Variants in MYO10 observed in about 807,000 individuals in gnomAD.
MYO10 encodes unconventional myosin-X.
A neutral mutation model predicts 257.3 loss-of-function variants in MYO10; 133 were observed. That is an observed-to-expected ratio of 0.52 (90% CI 0.45 to 0.60). The LOEUF is 0.60. MYO10 is among the 20% of genes least tolerant of loss of function. The pLI, the probability that MYO10 is intolerant of heterozygous loss-of-function variation, is 0.00. For missense variants in MYO10, 2,399 were observed against 2,635.7 expected (o/e 0.91, Z 1.97); for synonymous variants, 1,104 against 1,028.6 (o/e 1.07, Z -1.40).
chr5:16,728,150 C>A (rs1228113683), intron 19 of MYO10, among the ~76,000 whole-genome samples: 1 of 152,194 alleles, frequency 6.6e-6, no homozygotes, highest in Admixed American at 6.5e-5. Context: ...CTGGTTTCTG[C>A]CTCCTGGCTT....
intron 3 of MYO10, among the ~76,000 whole-genome samples, chr5:16,797,859 G>C (rs1222102143): frequency 6.6e-6 from 1 of 152,216 alleles, no homozygotes; most frequent in Admixed American, 6.5e-5. Context: ...GATACAGGTT[G>C]TATGGTTTGA....
chr5:16,711,355 T>C, intron 19 of MYO10, 110 bp from the exon 20 acceptor site: 7 of 1,117,228 alleles, frequency 6.3e-6, no homozygotes, highest in Non-Finnish European at 7.7e-6. Context: ...TCAAAACACA[T>C]ACGAGAATCT....
intron 2 of MYO10, among the ~76,000 whole-genome samples, chr5:16,827,255 T>C (rs1743027539): frequency 6.6e-6 from 1 of 152,188 alleles, no homozygotes; most frequent in Non-Finnish European, 1.5e-5. Context: ...GATTTGGCAC[T>C]CTAGTTACTA....
rs192676751 is a variant in MYO10 at position 16,720,093 on chromosome 5, T to C, written c.1930-8848A>G. On this transcript the variant is annotated intron_variant, in intron 19 of 40. Transcript: ENST00000513610. The stretch of plus-strand genomic sequence containing the variant: ...CACAAATAACTAATGGTGTGGGATG[T>C]CCAAGAGCAAACCCAGTCCCTGCTC... Among the ~76,000 whole-genome samples the C allele has an allele frequency of 2.7e-3, 407 of 151,878 alleles. 2 individuals carry two copies. Among genetic ancestry groups the C allele is most frequent in the African/African-American group, 9.3e-3 (386 of 41,438 alleles).
intron 19 of MYO10, among the ~76,000 whole-genome samples, chr5:16,733,447 G>C (rs927976869): frequency 6.6e-6 from 1 of 151,240 alleles, no homozygotes; most frequent in Non-Finnish European, 1.5e-5. Context: ...GATACCAGAA[G>C]AAAAAAAAAG....
At chr5:16,744,641 G>A (rs1453340692) in intron 19 of MYO10, among the ~76,000 whole-genome samples, 1 of 151,976 alleles carries the variant, frequency 6.6e-6, no homozygotes, top group African/African-American at 2.4e-5. Context: ...AAGCAGGCTT[G>A]CAGAGGGAGC....
chr5:16,770,952 G>T (rs1287341406), intron 9 of MYO10, among the ~76,000 whole-genome samples: 1 of 152,122 alleles, frequency 6.6e-6, no homozygotes, highest in East Asian at 1.9e-4. Context: ...ATTTTCAGTA[G>T]ATACGAGGTT....
chr5:16,894,318 C>T (rs1745160627), intron 1 of MYO10, among the ~76,000 whole-genome samples: 1 of 152,144 alleles, frequency 6.6e-6, no homozygotes, highest in Non-Finnish European at 1.5e-5. Flanking sequence ...GTGAAACATC[C>T]CTCCTCTGTG....
chr5:16,834,389 G>T (rs546629301), intron 2 of MYO10, among the ~76,000 whole-genome samples: 3 of 152,142 alleles, frequency 2.0e-5, no homozygotes, highest in African/African-American at 7.2e-5. Flanking sequence ...GGGAAGGAGG[G>T]CAAGAGCAAA....
intron 2 of MYO10, among the ~76,000 whole-genome samples, chr5:16,841,688 C>T (rs919579121): frequency 1.3e-5 from 2 of 152,178 alleles, no homozygotes; most frequent in Non-Finnish European, 2.9e-5. Context: ...CTAATTCAGG[C>T]TCTCCTTCAA....
chr5:16,670,880 A>C lies in MYO10; in HGVS notation c.5529T>G (p.Thr1843=). Residue 1843 remains threonine (T), a synonymous_variant, in exon 39 of 41, where the codon ACT becomes ACG. Coordinates refer to ENST00000513610, the MANE Select transcript of MYO10 (RefSeq NM_012334.3). ...LRLQYLQGDY[T]LHAAIPPLEE... ...CGAGAGGTGGGATGGCAGCGTGCAGAGTATAATCCCCCTGCAGATACTGGA... is the reference window on the plus strand; with the variant it reads ...CGAGAGGTGGGATGGCAGCGTGCAGCGTATAATCCCCCTGCAGATACTGGA... 1 of 1,613,906 alleles carries C rather than the reference A, an allele frequency of 6.2e-7. No homozygotes were observed. Among genetic ancestry groups the C allele is most frequent in the Non-Finnish European group, 8.5e-7 (1 of 1,179,854 alleles).
intron 32 of MYO10, among the ~76,000 whole-genome samples, chr5:16,680,473 ATTTC>A (rs1436244177): frequency 6.6e-6 from 1 of 151,998 alleles, no homozygotes; most frequent in Admixed American, 6.6e-5. Context: ...CTTACTTCCT[ATTTC>A]TTCCTTTCCT....
intron 19 of MYO10, among the ~76,000 whole-genome samples, chr5:16,720,579 G>A (rs1035865787): frequency 3.3e-5 from 5 of 151,992 alleles, no homozygotes; most frequent in African/African-American, 9.7e-5. Context: ...TCAGCCTCCC[G>A]GGTAGCTGGG....
chr5:16,725,786 CCTTT>C (rs1329946353), intron 19 of MYO10, among the ~76,000 whole-genome samples: 1 of 112,586 alleles, frequency 8.9e-6, no homozygotes, highest in Non-Finnish European at 1.8e-5. Flanking sequence ...ACAGGTACCC[CCTTT>C]TTTTTTTTTT....
chr5:16,909,665 T>C (rs1304780084), intron 1 of MYO10, among the ~76,000 whole-genome samples: 2 of 152,016 alleles, frequency 1.3e-5, no homozygotes, highest in African/African-American at 4.8e-5. Context: ...AAGATGAGAT[T>C]TGGGTTGGGA....
At chr5:16,899,496 G>A (rs1191854558) in intron 1 of MYO10, among the ~76,000 whole-genome samples, 1 of 151,840 alleles carries the variant, frequency 6.6e-6, no homozygotes, top group Non-Finnish European at 1.5e-5. Flanking sequence ...AATTAGCAGA[G>A]CGTTGTGGCG....
intron 18 of MYO10, among the ~76,000 whole-genome samples, chr5:16,756,844 T>A (rs2126644975): frequency 6.6e-6 from 1 of 152,210 alleles, no homozygotes; most frequent in Non-Finnish European, 1.5e-5. Flanking sequence ...CTCACGTCTG[T>A]AATTCCAGCA....
At chr5:16,716,281 T>A (rs1436991454) in intron 19 of MYO10, among the ~76,000 whole-genome samples, 1 of 151,916 alleles carries the variant, frequency 6.6e-6, no homozygotes, top group Non-Finnish European at 1.5e-5. Context: ...TAATGATTAA[T>A]AACAGGGCAC....
Position 16,682,796 on chromosome 5 carries a change from T to TA in MYO10, c.4047-784dup, listed in dbSNP as rs200867398. Reference sequence around the variant, plus strand: ...CTAAACTTGAGGTGCCCCTTAAAAATAAAAAATAAAAAAAGCCTTTTTCTA... The same window carrying TA: ...CTAAACTTGAGGTGCCCCTTAAAAATAAAAAAATAAAAAAAGCCTTTTTCTA... On this transcript the variant is annotated intron_variant, in intron 30 of 40. Transcript: ENST00000513610. Among the ~76,000 whole-genome samples, 222 of 140,920 alleles carry TA rather than the reference T, an allele frequency of 1.6e-3. 4 individuals are homozygous for TA. Among genetic ancestry groups the TA allele is most frequent in the Admixed American group, 9.2e-3 (131 of 14,252 alleles). The allele number at this position is 140,920 out of a possible 152,430, so 92.4% of individuals were successfully genotyped here.
Sources: allele counts gnomAD v4.1 joint callset (sites outside exome capture counted in the v4.1 genomes callset), GRCh38; gene constraint gnomAD v4.1.1; transcripts MANE v1.5; gene names NCBI Gene and HGNC (gene_info 2026-07-23, HGNC 2026-07-21).